Variants in CLIP2 observed in about 807,000 individuals in gnomAD.
CLIP2 encodes the protein CAP-Gly domain containing linker protein 2.
Under a neutral mutation model 111.7 loss-of-function variants are expected in CLIP2, and 41 were observed. The ratio of observed to expected loss-of-function variants is 0.37; its 90% CI spans 0.29 to 0.48. CLIP2 has a LOEUF of 0.48. CLIP2 is among the 20% of genes least tolerant of loss of function. The probability of loss-of-function intolerance (pLI) is 0.99; values close to 1 mark genes in which losing one functional copy is unlikely to be tolerated. For synonymous variants in CLIP2, 660 were observed against 644.2 expected, an observed-to-expected ratio of 1.02 and a Z score of -0.37; for missense variants, 1,160 against 1,422.1, an observed-to-expected ratio of 0.82 and a Z score of 2.96.
intron 14 of CLIP2, among the ~76,000 whole-genome samples, chr7:74,399,190 TGGG>T (rs758376039): frequency 6.7e-6 from 1 of 149,820 alleles, no homozygotes; most frequent in Non-Finnish European, 1.5e-5. Flanking sequence ...GGTGCCATGG[TGGG>T]GGTGACTATG....
At chr7:74,356,704 C>T in intron 5 of CLIP2, 81 bp downstream of exon 5, 1 of 1,279,248 alleles carries the variant, frequency 7.8e-7, no homozygotes, top group South Asian at 1.3e-5. Context: ...GTGTTCTGGT[C>T]TGCCCCTGAC....
chr7:74,363,336 G>C (rs1790385658), intron 7 of CLIP2, among the ~76,000 whole-genome samples: 1 of 152,140 alleles, frequency 6.6e-6, no homozygotes, highest in East Asian at 1.9e-4. Flanking sequence ...TGTAAGGTGG[G>C]GTGGGCCTGT....
Position 74,338,128 on chromosome 7 carries a change from G to A in CLIP2, c.122-320G>A, listed in dbSNP as rs538629099. Among the ~76,000 whole-genome samples the A allele has an allele frequency of 1.1e-3, 170 of 152,250 alleles. No homozygotes were observed. Among genetic ancestry groups the A allele is most frequent in the African/African-American group, 3.9e-3 (161 of 41,540 alleles). The stretch of plus-strand genomic sequence containing the variant: ...TGAGGTAGAGGATTGCTGGAGCCCA[G>A]GAAGTCAAGACTGCAGTGAGCCACC... On this transcript the variant is annotated intron_variant, in intron 2 of 16. Coordinates refer to ENST00000223398, the MANE Select transcript of CLIP2 (RefSeq NM_003388.5). The surrounding 1 kb of genome is among the most constrained non-coding windows in gnomAD (Gnocchi z 4.3).
In CLIP2 at chr7:74,343,673, A is replaced by C. The variant is rs1156335739; in HGVS notation, c.678+4669A>C. Among the ~76,000 whole-genome samples, 4 of 150,566 alleles carry C rather than the reference A, an allele frequency of 2.7e-5. No homozygotes were observed. The East Asian group carries it at 5.9e-4, about 22-fold the overall frequency. Reference sequence around the variant, plus strand: ...TTTGGGAGGCCAAGGCAGGCGGATCACTCAAGGTCAGGATTTGGAAACCAG... The same window carrying C: ...TTTGGGAGGCCAAGGCAGGCGGATCCCTCAAGGTCAGGATTTGGAAACCAG... On this transcript the variant is annotated intron_variant, in intron 3 of 16. Coordinates refer to ENST00000223398, the MANE Select transcript of CLIP2 (RefSeq NM_003388.5).
chr7:74,379,355 G>T (rs1434844408), intron 10 of CLIP2, among the ~76,000 whole-genome samples: 1 of 151,386 alleles, frequency 6.6e-6, no homozygotes, highest in Non-Finnish European at 1.5e-5. Context: ...CCCATCTCTT[G>T]ATTTTCTGTA....
intron 11 of CLIP2, among the ~76,000 whole-genome samples, chr7:74,381,336 GCA>G (rs1192680074): frequency 3.9e-5 from 6 of 151,966 alleles, no homozygotes; most frequent in Non-Finnish European, 1.5e-5. Context: ...TTACAGGCAT[GCA>G]CCACCATGCC....
chr7:74,390,150 AAAAGAAAGAAAGAAGAAAG>A (rs1277283887), intron 13 of CLIP2, among the ~76,000 whole-genome samples: 1 of 62,950 alleles, frequency 1.6e-5, no homozygotes, highest in African/African-American at 7.1e-5. Flanking sequence ...GAAAGAAAGA[AAAAGAAAGAAAGAAGAAAG>A]AAAGAAAGAA....
rs77606915 is a variant in CLIP2, at chr7:74,309,333, T to G, written c.-67-8147T>G. On this transcript the variant is annotated intron_variant, in intron 1 of 16. Coordinates refer to ENST00000223398, the MANE Select transcript of CLIP2 (RefSeq NM_003388.5). ...TCTACTAAAAATTAATTGTATGGTT[T>G]GATGACTTCTAGTATAAACATAGAG... Among the ~76,000 whole-genome samples the G allele has an allele frequency of 4.5e-3, 680 of 151,870 alleles. 5 individuals are homozygous for G. Among genetic ancestry groups the G allele is most frequent in the African/African-American group, 0.013 (527 of 41,476 alleles).
At chr7:74,302,372 C>A (rs529513433) in intron 1 of CLIP2, among the ~76,000 whole-genome samples, 2 of 151,934 alleles carry the variant, frequency 1.3e-5, no homozygotes, top group Non-Finnish European at 2.9e-5. Flanking sequence ...CACACCACCA[C>A]GCCCAATTAA....
chr7:74,311,530 C>T lies in CLIP2; in HGVS notation c.-67-5950C>T, dbSNP rs80067495. ...TTATGGGCTGTTTGTATATCTTCTT[C>T]GGTGAAATGTATATTCAAACCTTTC... is the stretch of plus-strand genomic sequence containing the variant. On this transcript the variant is annotated intron_variant, in intron 1 of 16. Coordinates refer to ENST00000223398, the MANE Select transcript of CLIP2 (RefSeq NM_003388.5). Among the ~76,000 whole-genome samples the T allele has an allele frequency of 9.1e-3, 1,390 of 152,224 alleles. 25 individuals carry two copies. Among genetic ancestry groups the T allele is most frequent in the African/African-American group, 0.032 (1,310 of 41,540 alleles).
intron 1 of CLIP2, among the ~76,000 whole-genome samples, chr7:74,294,373 A>C (rs1294745372): frequency 1.3e-5 from 2 of 152,238 alleles, no homozygotes; most frequent in African/African-American, 4.8e-5. Flanking sequence ...AAGGCAGAAC[A>C]GGCCAGATGG....
rs1554308690 is a variant in CLIP2 at position 74,357,433 on chromosome 7, G to A, written c.1171G>A (p.Glu391Lys). 1.9e-6 allele frequency: 3 copies of A among 1,614,098 alleles called. No homozygotes were observed. The highest frequency in any genetic ancestry group is 2.5e-6 in the Non-Finnish European group (3 of 1,179,996). The change falls in exon 6 of 17, where the codon GAG (glutamate) becomes AAG (lysine). Residue 391 changes from glutamate to lysine, a missense_variant. Physicochemically the swap from Glu to Lys is moderately conservative, Grantham distance 56. This residue lies in a region of CLIP2 where 70 missense variants were observed against 114.9 expected (regional missense o/e 0.61). Transcript: ENST00000223398. ...GGCCAAGGCCACAAGCCACATCTGC[G>A]AGGTGGAGAAGGAGATTGCCCTGCT... ...EVAKATSHIC[E>K]VEKEIALLKA...
chr7:74,372,714 G>C (rs1276261534), intron 8 of CLIP2, among the ~76,000 whole-genome samples: 1 of 150,878 alleles, frequency 6.6e-6, no homozygotes, highest in East Asian at 2.0e-4. Context: ...ACAGCAAGGG[G>C]TGGGCATGAG....
At chr7:74,377,879 G>A (rs952290416) in intron 10 of CLIP2, among the ~76,000 whole-genome samples, 32 of 151,090 alleles carry the variant, frequency 2.1e-4, no homozygotes, top group Admixed American at 5.3e-4. Context: ...AGGCTGGAGT[G>A]CAGTGGTGGG....
intron 13 of CLIP2, among the ~76,000 whole-genome samples, chr7:74,396,085 G>A (rs761459548): frequency 5.0e-4 from 76 of 152,284 alleles, no homozygotes; most frequent in East Asian, 7.7e-4. Flanking sequence ...AAACGCTAGG[G>A]CATAGGGGTG....
chr7:74,338,334 T>A lies in CLIP2; in HGVS notation c.122-114T>A. ...CTGGCCGAGATGGTGAAACCCCATCTCTACCCAAAAATACAAATCAGCCAC... is the reference window on the plus strand; with the variant it reads ...CTGGCCGAGATGGTGAAACCCCATCACTACCCAAAAATACAAATCAGCCAC... On this transcript the variant is annotated intron_variant, in intron 2 of 16. Coordinates refer to ENST00000223398, the MANE Select transcript of CLIP2 (RefSeq NM_003388.5). This position sits in a 1 kb window ranked among gnomAD's most constrained non-coding sequence, Gnocchi z 4.3. 8.5e-7 allele frequency: 1 copy of A among 1,174,332 alleles called. No homozygotes were observed. Among genetic ancestry groups the A allele is most frequent in the Non-Finnish European group, 1.2e-6 (1 of 853,194 alleles). 72.7% of individuals were successfully genotyped at this position (1,174,332 alleles called of 1,614,324 possible).
chr7:74,291,674 C>A (rs1788023603), intron 1 of CLIP2, among the ~76,000 whole-genome samples: 1 of 152,202 alleles, frequency 6.6e-6, no homozygotes, highest in African/African-American at 2.4e-5. Flanking sequence ...GGAGAGGAGG[C>A]TCGTGCCCCT....
chr7:74,337,674 C>T (rs1023320924), intron 2 of CLIP2, among the ~76,000 whole-genome samples: 5 of 151,792 alleles, frequency 3.3e-5, no homozygotes, highest in Admixed American at 6.6e-5. Context: ...CAACTCACTG[C>T]AATCTCCACC....
intron 11 of CLIP2, among the ~76,000 whole-genome samples, chr7:74,385,382 C>G (rs1052241816): frequency 6.7e-6 from 1 of 149,918 alleles, no homozygotes; most frequent in Non-Finnish European, 1.5e-5. Flanking sequence ...AGGAGGATGA[C>G]TTGAACCCAG....
Sources: allele counts gnomAD v4.1 joint callset (sites outside exome capture counted in the v4.1 genomes callset), GRCh38; gene constraint gnomAD v4.1.1; regional missense constraint gnomAD v4.1.1; non-coding constraint Gnocchi (gnomAD v3.1); transcripts MANE v1.5; gene names NCBI Gene and HGNC (gene_info 2026-07-23, HGNC 2026-07-21).